Variants in PTPN4 observed in about 807,000 individuals in gnomAD.
PTPN4 encodes protein tyrosine phosphatase non-receptor type 4.
A neutral mutation model predicts 135.5 loss-of-function variants in PTPN4; 49 were observed. That is an observed-to-expected ratio of 0.36 (90% CI 0.29 to 0.46). PTPN4 has a LOEUF of 0.46. Ranked by LOEUF, PTPN4 falls within the 20% of genes least tolerant of loss-of-function variation. The pLI, the probability that PTPN4 is intolerant of heterozygous loss-of-function variation, is 1.00. For synonymous variants in PTPN4, 333 were observed against 369.9 expected (o/e 0.90, Z 1.14); for missense variants, 860 against 1,101.0 (o/e 0.78, Z 3.10).
intron 2 of PTPN4, among the ~76,000 whole-genome samples, chr2:119,818,306 C>T (rs1677017850): frequency 6.6e-6 from 1 of 152,180 alleles, no homozygotes; most frequent in Non-Finnish European, 1.5e-5. Context: ...GTCACTTTCC[C>T]CTGCTTTACA....
intron 1 of PTPN4, among the ~76,000 whole-genome samples, chr2:119,799,014 A>T (rs1691314617): frequency 6.6e-6 from 1 of 152,182 alleles, no homozygotes; most frequent in Non-Finnish European, 1.5e-5. Context: ...CTTCTCTCTG[A>T]TCCAGTAATA....
At chr2:119,821,530 T>C (rs1213194201) in intron 2 of PTPN4, among the ~76,000 whole-genome samples, 2 of 152,214 alleles carry the variant, frequency 1.3e-5, no homozygotes, top group Non-Finnish European at 2.9e-5. Context: ...TTGATTTGTT[T>C]ATGATAAACT....
intron 1 of PTPN4, among the ~76,000 whole-genome samples, chr2:119,766,485 T>TCGCGCGC (rs1690632171): frequency 5.9e-4 from 35 of 58,848 alleles, no homozygotes; most frequent in African/African-American, 3.5e-3. Flanking sequence ...TGTGTGTGTC[T>TCGCGCGC]GTGTGTGTGT....
At chr2:119,830,911 C>T (rs541979628) in intron 2 of PTPN4, among the ~76,000 whole-genome samples, 1 of 152,162 alleles carries the variant, frequency 6.6e-6, no homozygotes, top group African/African-American at 2.4e-5. Context: ...AACTGTGAGC[C>T]AATTAAACTT....
intron 2 of PTPN4, among the ~76,000 whole-genome samples, chr2:119,823,608 G>A (rs1010104231): frequency 1.3e-5 from 2 of 152,092 alleles, no homozygotes; most frequent in African/African-American, 2.4e-5. Flanking sequence ...CAATTATTTC[G>A]TGGTTGCTGA....
intron 5 of PTPN4, among the ~76,000 whole-genome samples, chr2:119,879,022 G>A (rs1287021440): frequency 2.6e-5 from 4 of 151,438 alleles, no homozygotes; most frequent in Admixed American, 2.0e-4. Flanking sequence ...GAACCCGGGA[G>A]GCAGAGCTGG....
chr2:119,784,384 A>ATTT (rs35755705), intron 1 of PTPN4, among the ~76,000 whole-genome samples: 9 of 107,968 alleles, frequency 8.3e-5, no homozygotes, highest in Non-Finnish European at 1.6e-4. Context: ...TGCCCACCTA[A>ATTT]TTTTTTTTTT....
At chr2:119,864,572 A>C (rs1574377046) in intron 3 of PTPN4, among the ~76,000 whole-genome samples, 1 of 152,078 alleles carries the variant, frequency 6.6e-6, no homozygotes, top group African/African-American at 2.4e-5. Context: ...AGAGGAAGAG[A>C]CCAGTGACTC....
chr2:119,876,896 CATGT>C lies in PTPN4; in HGVS notation c.247-426_247-423del, dbSNP rs1251099074. On this transcript the variant is annotated intron_variant, in intron 3 of 26. Coordinates refer to ENST00000263708, the MANE Select transcript of PTPN4 (RefSeq NM_002830.4). ...CCTGAATGAGTATAAAGCCCAAGAG[CATGT>C]GTGTGTGTGTGTGTGTGTGTGTGTG... 1.2e-3 allele frequency among the ~76,000 whole-genome samples: 114 copies of C among 96,528 alleles called. 1 individual carries two copies. The highest frequency in any genetic ancestry group is 1.9e-3 in the African/African-American group (50 of 26,732). 63.3% of individuals were successfully genotyped at this position (96,528 alleles called of 152,430 possible). A position where few individuals can be genotyped will look rare whatever the true frequency, so the allele number is the denominator to read the frequency against.
intron 2 of PTPN4, among the ~76,000 whole-genome samples, chr2:119,859,255 T>C (rs1677724798): frequency 6.6e-6 from 1 of 152,198 alleles, no homozygotes; most frequent in Admixed American, 6.5e-5. Context: ...TTGACATCTG[T>C]TGATTGTGTT....
At chr2:119,922,071 A>G (rs1331760151) in intron 12 of PTPN4, among the ~76,000 whole-genome samples, 2 of 152,216 alleles carry the variant, frequency 1.3e-5, no homozygotes, top group African/African-American at 2.4e-5. Context: ...TACCCAAACC[A>G]TACCAAAGCA....
chr2:119,972,775 G>T (rs1303135107), intron 26 of PTPN4, among the ~76,000 whole-genome samples: 1 of 152,062 alleles, frequency 6.6e-6, no homozygotes, highest in African/African-American at 2.4e-5. Context: ...AGTGTGTTCA[G>T]TTTTGTTAAG....
rs1376761269 is a variant in PTPN4, at chr2:119,818,261, CTG to C, written c.138+8272_138+8273del. On this transcript the variant is annotated intron_variant, in intron 2 of 26. Transcript: ENST00000263708. ...ACATATATTTACATCACCCCTAAAT[CTG>C]TTTTTATTGACTGTCTTGTCTCTTG... Among the ~76,000 whole-genome samples the C allele has an allele frequency of 5.9e-5, 9 of 152,254 alleles. No individual in the cohort carries two copies. In the East Asian group the frequency reaches 1.7e-3, roughly 29 times the overall value.
Position 119,900,769 on chromosome 2 carries a change from A to C in PTPN4, c.727A>C (p.Ile243Leu), listed in dbSNP as rs1166683208. The change falls in exon 10 of 27, where the codon ATT becomes CTT. Residue 243 changes from isoleucine to leucine, a missense_variant. Physicochemically the swap from Ile to Leu is conservative, Grantham distance 5. Transcript: ENST00000263708. ...TGGAGTGATGTCAGGAGGAATTCTG[A>C]TTTATAAGAACAGGGTACGAATGAA... ...MIGVMSGGIL[I>L]YKNRVRMNTF... 1 of 1,588,370 alleles carries C rather than the reference A, an allele frequency of 6.3e-7. No individual in the cohort carries two copies. Among genetic ancestry groups the C allele is most frequent in the Non-Finnish European group, 8.6e-7 (1 of 1,166,610 alleles).
chr2:119,977,121 T>C lies in PTPN4; in HGVS notation c.*51T>C. On this transcript the variant is annotated 3_prime_UTR_variant, in exon 27 of 27. Transcript: ENST00000263708. ...GTTGGAAAACTGCTTTCCCTTATGTTCACTGTGCCATAATGCTGCTCGCAG... is the reference window on the plus strand; with the variant it reads ...GTTGGAAAACTGCTTTCCCTTATGTCCACTGTGCCATAATGCTGCTCGCAG... 2.0e-6 allele frequency: 3 copies of C among 1,537,910 alleles called. No individual in the cohort carries two copies. The highest frequency in any genetic ancestry group is 1.7e-6 in the Non-Finnish European group (2 of 1,149,252).
At chr2:119,776,215 G>T (rs890134660) in intron 1 of PTPN4, among the ~76,000 whole-genome samples, 1 of 152,098 alleles carries the variant, frequency 6.6e-6, no homozygotes, top group African/African-American at 2.4e-5. Context: ...TCAGTCCGTT[G>T]CCCAGGCTGG....
At chr2:119,915,341 A>G (rs936659583) in intron 11 of PTPN4, 99 bp downstream of exon 11, 33 of 985,808 alleles carry the variant, frequency 3.3e-5, no homozygotes, top group Middle Eastern at 2.2e-4. Context: ...TGAAAGTGCA[A>G]TTAATACTGT....
chr2:119,790,558 T>C (rs748315554), intron 1 of PTPN4, among the ~76,000 whole-genome samples: 3 of 152,092 alleles, frequency 2.0e-5, no homozygotes, highest in Non-Finnish European at 2.9e-5. Context: ...TATATATTTT[T>C]ATATTGTTTA....
intron 1 of PTPN4, among the ~76,000 whole-genome samples, chr2:119,765,148 CA>C (rs1690587957): frequency 6.6e-6 from 1 of 152,190 alleles, no homozygotes; most frequent in African/African-American, 2.4e-5. Context: ...ATATGTAAGG[CA>C]TCTAGCGCTG....
Sources: allele counts gnomAD v4.1 joint callset (sites outside exome capture counted in the v4.1 genomes callset), GRCh38; gene constraint gnomAD v4.1.1; transcripts MANE v1.5; gene names NCBI Gene and HGNC (gene_info 2026-07-23, HGNC 2026-07-21).